SYT14: variants seen among roughly 807,000 people sequenced by gnomAD.
SYT14 encodes synaptotagmin-14.
A neutral mutation model predicts 74.2 loss-of-function variants in SYT14; 32 were observed. The ratio of observed to expected loss-of-function variants is 0.43; its 90% confidence interval spans 0.33 to 0.58. The LOEUF (loss-of-function observed/expected upper bound fraction) is 0.58, where lower values mean the gene tolerates loss of function less well. SYT14 is among the 20% of genes least tolerant of loss of function. The pLI is 0.05. For missense variants in SYT14, 791 were observed against 981.8 expected (o/e 0.81, Z 2.60); for synonymous variants, 298 against 337.7 (o/e 0.88, Z 1.29).
At chr1:210,153,017 G>A (rs1168677966) in intron 7 of SYT14, among the ~76,000 whole-genome samples, 1 of 152,076 alleles carries the variant, frequency 6.6e-6, no homozygotes, top group East Asian at 1.9e-4. Context: ...TATGAACTCA[G>A]TACAAACTAT....
exon 10 of SYT14, chr1:210,170,385 C>T (rs904027267): frequency 1.3e-5 from 2 of 150,782 alleles, no homozygotes; most frequent in African/African-American, 4.9e-5. Flanking sequence ...ATTCTCATGT[C>T]GACTTTTCTA....
chr1:209,952,553 T>C (rs1292914460), intron 1 of SYT14, among the ~76,000 whole-genome samples, 156 bp from the exon 2 acceptor site: 1 of 152,148 alleles, frequency 6.6e-6, no homozygotes, highest in Non-Finnish European at 1.5e-5. Flanking sequence ...AATTCTGATA[T>C]TAGGCTATAA....
intron 2 of SYT14, among the ~76,000 whole-genome samples, chr1:209,953,434 C>T (rs2078943734): frequency 6.6e-6 from 1 of 152,142 alleles, no homozygotes; most frequent in Admixed American, 6.5e-5. Flanking sequence ...AAATTTACTA[C>T]TCTTGTCTCT....
chr1:210,151,676 C>A (rs1224960717), intron 7 of SYT14, among the ~76,000 whole-genome samples: 1 of 152,062 alleles, frequency 6.6e-6, no homozygotes, highest in Non-Finnish European at 1.5e-5. Context: ...TTTTCTAGGG[C>A]ATAAATTCAT....
At chr1:210,140,866 C>T (rs1321711683) in intron 7 of SYT14, among the ~76,000 whole-genome samples, 1 of 152,022 alleles carries the variant, frequency 6.6e-6, no homozygotes, top group Non-Finnish European at 1.5e-5. Flanking sequence ...TTTGTCTATC[C>T]TTCTGCCAGT....
At position 210,021,396 on chromosome 1, in the gene SYT14, C is replaced by A. The variant is rs1224824867; in HGVS notation, c.1312+142C>A. On this transcript the variant is annotated intron_variant, in intron 5 of 9. Coordinates refer to ENST00000637265, the Ensembl canonical transcript of SYT14. Reference sequence around the variant, plus strand: ...CACATTTCTGGGAATGTAATTTATTCAAATTTGTATCTTTGGGCTCAGGCC... The same window carrying A: ...CACATTTCTGGGAATGTAATTTATTAAAATTTGTATCTTTGGGCTCAGGCC... 10 of 930,518 alleles carry A rather than the reference C, an allele frequency of 1.1e-5. No individual in the cohort carries two copies. In the Admixed American group the frequency reaches 2.3e-4, roughly 21 times the overall value. 57.6% of individuals were successfully genotyped at this position (930,518 alleles called of 1,614,324 possible).
chr1:209,975,976 C>T (rs963319844), intron 2 of SYT14, among the ~76,000 whole-genome samples: 37 of 152,242 alleles, frequency 2.4e-4, no homozygotes, highest in Admixed American at 9.2e-4. Context: ...TCTAGATTTT[C>T]TAGTTTATTT....
chr1:210,056,508 G>A (rs1050231815), intron 5 of SYT14, among the ~76,000 whole-genome samples: 1 of 151,834 alleles, frequency 6.6e-6, no homozygotes, highest in Non-Finnish European at 1.5e-5. Flanking sequence ...TGAACAAAAG[G>A]TTCTATAACT....
chr1:209,946,808 G>A (rs1441622961), intron 1 of SYT14, among the ~76,000 whole-genome samples: 1 of 152,208 alleles, frequency 6.6e-6, no homozygotes, highest in African/African-American at 2.4e-5. Context: ...CATAGCTAGA[G>A]GGGAGAAGTC....
intron 5 of SYT14, among the ~76,000 whole-genome samples, chr1:210,046,385 A>G (rs1023626512): frequency 2.0e-5 from 3 of 151,368 alleles, no homozygotes; most frequent in Admixed American, 2.0e-4. Flanking sequence ...AGTAGAAAAC[A>G]AACAAAATTT....
intron 5 of SYT14, among the ~76,000 whole-genome samples, chr1:210,084,995 G>T (rs2081693766): frequency 6.6e-6 from 1 of 152,166 alleles, no homozygotes; most frequent in East Asian, 1.9e-4. Flanking sequence ...TTGGTTTTCA[G>T]CTGTCCTTTC....
intron 2 of SYT14, among the ~76,000 whole-genome samples, chr1:209,962,525 G>A (rs554568927): frequency 6.6e-6 from 1 of 152,202 alleles, no homozygotes; most frequent in Admixed American, 6.5e-5. Flanking sequence ...GGAGATCATG[G>A]AGCTATATTT....
intron 7 of SYT14, among the ~76,000 whole-genome samples, chr1:210,152,785 T>A (rs760844957): frequency 3.3e-5 from 5 of 152,230 alleles, no homozygotes; most frequent in African/African-American, 4.8e-5. Flanking sequence ...TTTTTGCTTT[T>A]CTTTATAATG....
chr1:210,006,418 C>G (rs1398522543), intron 2 of SYT14, among the ~76,000 whole-genome samples: 1 of 151,752 alleles, frequency 6.6e-6, no homozygotes, highest in African/African-American at 2.4e-5. Context: ...AAACCCAGAG[C>G]AAAATAAATT....
intron 5 of SYT14, among the ~76,000 whole-genome samples, chr1:210,058,945 G>A (rs1191829387): frequency 6.6e-6 from 1 of 152,176 alleles, no homozygotes; most frequent in Non-Finnish European, 1.5e-5. Context: ...GAGGGAGGGA[G>A]TAACAAAAGC....
chr1:210,171,181 T>C (rs1416386446), exon 10 of SYT14: 2 of 152,194 alleles, frequency 1.3e-5, no homozygotes, highest in African/African-American at 2.4e-5. Flanking sequence ...TCATATTTCA[T>C]TACCTTGTCC....
chr1:210,018,069 G>A (rs1402381731), intron 4 of SYT14, among the ~76,000 whole-genome samples: 1 of 152,208 alleles, frequency 6.6e-6, no homozygotes, highest in African/African-American at 2.4e-5. Flanking sequence ...CAGGATGGAT[G>A]AACTAACTTA....
chr1:210,131,006 A>T (rs2082662314), intron 7 of SYT14, among the ~76,000 whole-genome samples: 1 of 152,190 alleles, frequency 6.6e-6, no homozygotes, highest in African/African-American at 2.4e-5. Context: ...TGTTATGACC[A>T]CTTTAACGTT....
intron 2 of SYT14, among the ~76,000 whole-genome samples, chr1:209,962,696 C>T (rs1259962108): frequency 1.3e-5 from 2 of 151,854 alleles, no homozygotes; most frequent in Non-Finnish European, 2.9e-5. Context: ...TAAAGCAGAC[C>T]CCCAGTCTTT....
Sources: allele counts gnomAD v4.1 joint callset (sites outside exome capture counted in the v4.1 genomes callset), GRCh38; gene constraint gnomAD v4.1.1; transcripts MANE v1.5; gene names NCBI Gene and HGNC (gene_info 2026-07-23, HGNC 2026-07-21).